The following OSBPL10 variants were observed in gnomAD, a reference collection of about 807,000 sequenced individuals.
OSBPL10 encodes the protein oxysterol binding protein like 10.
A neutral mutation model predicts 81.7 loss-of-function variants in OSBPL10; 49 were observed. The observed-to-expected ratio is 0.60, with a 90% CI of 0.48 to 0.76. OSBPL10 has a LOEUF of 0.76. OSBPL10 is among the 30% of genes least tolerant of loss of function. OSBPL10 has a pLI of 0.00. For missense variants in OSBPL10, 923 were observed against 987.8 expected (o/e 0.93, Z 0.88); for synonymous variants, 419 against 383.6 (o/e 1.09, Z -1.08).
intron 1 of OSBPL10, among the ~76,000 whole-genome samples, chr3:31,978,111 G>A (rs1379567396): frequency 6.6e-6 from 1 of 152,140 alleles, no homozygotes; most frequent in Non-Finnish European, 1.5e-5. Flanking sequence ...AGGACACCAG[G>A]GTACAAACTG....
At chr3:31,672,576 G>A (rs373809106) in intron 8 of OSBPL10, among the ~76,000 whole-genome samples, 4 of 152,138 alleles carry the variant, frequency 2.6e-5, no homozygotes, top group East Asian at 3.9e-4. Flanking sequence ...ATACTAAGAT[G>A]TGTTCAACTA....
intron 7 of OSBPL10, among the ~76,000 whole-genome samples, chr3:31,698,726 T>C (rs1695803941): frequency 6.6e-6 from 1 of 152,138 alleles, no homozygotes; most frequent in South Asian, 2.1e-4. Flanking sequence ...CACTCTTCCG[T>C]AGATGCTCAC....
chr3:32,041,654 T>G (rs1160433887), intron 2 of OSBPL10, among the ~76,000 whole-genome samples: 1 of 151,606 alleles, frequency 6.6e-6, no homozygotes, highest in Non-Finnish European at 1.5e-5. Context: ...TTTCTTTTTC[T>G]TTCTTTCTTT....
chr3:32,056,162 A>G (rs1699710926), intron 1 of OSBPL10, among the ~76,000 whole-genome samples: 1 of 152,204 alleles, frequency 6.6e-6, no homozygotes. Flanking sequence ...CTCAAGAACC[A>G]TGATACACCT....
intron 1 of OSBPL10, among the ~76,000 whole-genome samples, chr3:31,965,939 AAT>A (rs1170383020): frequency 2.8e-5 from 3 of 107,296 alleles, no homozygotes; most frequent in Non-Finnish European, 5.4e-5. Flanking sequence ...TATTATATAA[AAT>A]AGATAATATA....
intron 1 of OSBPL10, among the ~76,000 whole-genome samples, chr3:32,072,717 GC>G (rs1559558700): frequency 6.6e-6 from 1 of 152,030 alleles, no homozygotes; most frequent in African/African-American, 2.4e-5. Flanking sequence ...ATTCACCCTC[GC>G]CCAGGAGTGG....
intron 3 of OSBPL10, among the ~76,000 whole-genome samples, chr3:31,859,232 C>G (rs553381987): frequency 1.2e-4 from 18 of 151,526 alleles, no homozygotes; most frequent in Non-Finnish European, 2.1e-4. Flanking sequence ...TCCATTTGTT[C>G]TAAAAAATTT....
chr3:31,892,754 G>A (rs1027168532), intron 1 of OSBPL10, among the ~76,000 whole-genome samples: 1 of 152,132 alleles, frequency 6.6e-6, no homozygotes, highest in East Asian at 1.9e-4. Flanking sequence ...CACATGATTC[G>A]GATCATCATC....
rs1699704148 is a variant in OSBPL10, at chr3:32,055,629, T to C, written n.186-9026A>G. 2.6e-5 allele frequency among the ~76,000 whole-genome samples: 4 copies of C among 152,254 alleles called. 1 individual carries two copies. The highest frequency in any genetic ancestry group is 2.6e-4 in the Admixed American group (4 of 15,282). ...GTTATTTGCATAAGTGCAATAAGAA[T>C]CTGTTTTCTCTTGTAACAAGACACA... On this transcript the variant is annotated intron_variant and non_coding_transcript_variant, in intron 1 of 3. Transcript: ENST00000479173.
chr3:31,855,862 C>CAG (rs1261621303), intron 3 of OSBPL10, among the ~76,000 whole-genome samples: 1 of 151,800 alleles, frequency 6.6e-6, no homozygotes, highest in African/African-American at 2.4e-5. Context: ...GAACTTCTCA[C>CAG]AGAGGGCTAG....
intron 1 of OSBPL10, among the ~76,000 whole-genome samples, chr3:32,049,151 T>C (rs910456612): frequency 6.6e-6 from 1 of 152,216 alleles, no homozygotes; most frequent in Non-Finnish European, 1.5e-5. Context: ...GTATACTCAG[T>C]TGAGCAGCCC....
At chr3:31,918,987 G>C (rs1696833858) in intron 1 of OSBPL10, among the ~76,000 whole-genome samples, 1 of 152,132 alleles carries the variant, frequency 6.6e-6, no homozygotes, top group South Asian at 2.1e-4. Flanking sequence ...TCACAGCCTG[G>C]ATCTCACCTG....
chr3:31,909,432 G>T (rs1052989503), intron 1 of OSBPL10, among the ~76,000 whole-genome samples: 14 of 151,930 alleles, frequency 9.2e-5, no homozygotes, highest in African/African-American at 3.1e-4. Context: ...TGGCATAACG[G>T]AAAATGAAAG....
chr3:32,049,334 A>C (rs546546924), intron 1 of OSBPL10, among the ~76,000 whole-genome samples: 21 of 152,282 alleles, frequency 1.4e-4, no homozygotes, highest in African/African-American at 4.8e-4. Context: ...GCAACCATGA[A>C]GGGACTATAC....
At chr3:31,962,918 T>C (rs933285123) in intron 1 of OSBPL10, among the ~76,000 whole-genome samples, 3 of 152,272 alleles carry the variant, frequency 2.0e-5, no homozygotes, top group Non-Finnish European at 4.4e-5. Context: ...CTCCTGGATC[T>C]TGCAATACAA....
intron 4 of OSBPL10, among the ~76,000 whole-genome samples, chr3:31,801,632 GT>G (rs1177668085): frequency 6.6e-6 from 1 of 152,164 alleles, no homozygotes; most frequent in East Asian, 1.9e-4. Context: ...AAAGATGTAG[GT>G]CCGTGTCCTG....
chr3:31,931,014 CAAAAAAAAAAAAAAAAAA>C (rs60251266), intron 1 of OSBPL10, among the ~76,000 whole-genome samples: 3 of 62,074 alleles, frequency 4.8e-5, no homozygotes, highest in African/African-American at 2.1e-4. Flanking sequence ...GACTCGGTCT[CAAAAAAAAAAAAAAAAAA>C]AAAAAAAAAG....
intron 1 of OSBPL10, among the ~76,000 whole-genome samples, chr3:31,935,630 T>G (rs1182836460): frequency 2.0e-5 from 3 of 151,984 alleles, no homozygotes; most frequent in African/African-American, 7.3e-5. Flanking sequence ...TTCAAGCGAT[T>G]CTCCTGCCTC....
At chr3:31,866,480 T>A (rs925882801) in intron 3 of OSBPL10, among the ~76,000 whole-genome samples, 7 of 151,980 alleles carry the variant, frequency 4.6e-5, no homozygotes, top group African/African-American at 1.7e-4. Context: ...TTAGTCAGAG[T>A]GGATGTGGAA....
Sources: allele counts gnomAD v4.1 joint callset (sites outside exome capture counted in the v4.1 genomes callset), GRCh38; gene constraint gnomAD v4.1.1; transcripts MANE v1.5; gene names NCBI Gene and HGNC (gene_info 2026-07-23, HGNC 2026-07-21).